The following TTN variants were observed in gnomAD, a reference collection of about 807,000 sequenced individuals.
The protein encoded by TTN is connectin.
In TTN, 1,525 loss-of-function variants were observed where a neutral mutation model predicts 3,223.0. That is an observed-to-expected ratio of 0.47 (90% CI 0.45 to 0.49). The LOEUF (loss-of-function observed/expected upper bound fraction) is 0.49. Among genes scored for constraint, TTN ranks in the 20% least tolerant of loss-of-function variants. The pLI, the probability that TTN is intolerant of heterozygous loss-of-function variation, is 0.00. For synonymous variants in TTN, 14,094 were observed against 15,161.0 expected, an observed-to-expected ratio of 0.93 and a Z score of 5.17; for missense variants, 40,786 against 43,424.0, an observed-to-expected ratio of 0.94 and a Z score of 5.40.
Position 178,741,174 on chromosome 2 carries a change from G to T in TTN, c.12059C>A (p.Ser4020Tyr), listed in dbSNP as rs1273620132. The T allele has an allele frequency of 2.5e-6, 4 of 1,613,348 alleles. No individual in the cohort carries two copies. The highest frequency in any genetic ancestry group is 2.5e-6 in the Non-Finnish European group (3 of 1,179,810). The change falls in exon 48 of 363, where the codon TCC becomes TAC. Residue 4020 changes from serine (S) to tyrosine (Y), a missense_variant. Coordinates refer to ENST00000589042, the MANE Select transcript of TTN (RefSeq NM_001267550.2). The stretch of plus-strand genomic sequence containing the variant: ...CACAAGCAGCTCTGCTGCACAGGTG[G>T]ACTCACCCAACATATTCTCTGCTTT... ...ICKAENMLGESTCAAELLVLL... is the reference protein window; with the variant it reads ...ICKAENMLGEYTCAAELLVLL...
rs72646894 is a variant in TTN at position 178,574,099 on chromosome 2, T to G, written c.72033A>C (p.Pro24011=). 2 of 1,613,610 alleles carry G rather than the reference T, an allele frequency of 1.2e-6. No homozygotes were observed. Among genetic ancestry groups the G allele is most frequent in the East Asian group, 2.2e-5 (1 of 44,804 alleles). The change falls in exon 326 of 363, where the codon CCA becomes CCC. Residue 24011 remains proline, a synonymous_variant. Transcript: ENST00000589042. Reference sequence around the variant, plus strand: ...AAGTGATAGCATCAGATGGCTCAGATGGTGGACTGATGGCACCTGCAGCAT... The same window carrying G: ...AAGTGATAGCATCAGATGGCTCAGAGGGTGGACTGATGGCACCTGCAGCAT... ...AKNAAGAISP[P]SEPSDAITCR... is the part of the protein sequence containing the mutation.
chr2:178,529,892 G>A (rs1392808848), intron 359 of TTN, 68 bp downstream of exon 359: 15 of 1,471,852 alleles, frequency 1.0e-5, no homozygotes, highest in Non-Finnish European at 1.3e-5. Flanking sequence ...TATAAGGGGG[G>A]ATGTTTGAAA....
rs2080185005 is a variant in TTN at position 178,730,208 on chromosome 2, G to A, written c.18192C>T (p.Asp6064=). The A allele has an allele frequency of 6.2e-7, 1 of 1,613,376 alleles. No individual in the cohort carries two copies. Among genetic ancestry groups the A allele is most frequent in the Non-Finnish European group, 8.5e-7 (1 of 1,179,676 alleles). ...CAAAGAGCTCTAGACTGGTAGAGGT[G>A]TCATCCTTCCAAACTGAGCGGGCTG... ...SGAARSVWKD[D]TSTSLELFAA... The change falls in exon 62 of 363, where the codon GAC becomes GAT. Residue 6064 remains aspartate (D), a synonymous_variant. Coordinates refer to ENST00000589042, the MANE Select transcript of TTN (RefSeq NM_001267550.2).
Position 178,601,034 on chromosome 2 carries a change from T to G in TTN, c.55870A>C (p.Thr18624Pro). The change falls in exon 288 of 363, where the codon ACT (threonine) becomes CCT (proline). Residue 18624 changes from threonine (T) to proline (P), a missense_variant. Coordinates refer to ENST00000589042, the MANE Select transcript of TTN (RefSeq NM_001267550.2). Reference sequence around the variant, plus strand: ...CTCCAGGCTTCTTTCTTTGTCCCAGTAGGGTCCCATGCAAGGCACTCAACA... The same window carrying G: ...CTCCAGGCTTCTTTCTTTGTCCCAGGAGGGTCCCATGCAAGGCACTCAACA... ...YIVECLAWDP[T>P]GTKKEAWRQC... is the part of the protein sequence containing the mutation. 1.2e-6 allele frequency: 2 copies of G among 1,612,952 alleles called. No individual in the cohort carries two copies.
intron 282 of TTN, among the ~76,000 whole-genome samples, chr2:178,602,877 A>G (rs1385142063): frequency 6.6e-6 from 1 of 152,024 alleles, no homozygotes; most frequent in Non-Finnish European, 1.5e-5. Context: ...GTAAAAAACT[A>G]CTTTACTTTT....
Position 178,570,716 on chromosome 2 carries a change from G to A in TTN, c.75416C>T (p.Pro25139Leu), listed in dbSNP as rs771430495. Residue 25139 changes from proline to leucine, a missense_variant, in exon 326 of 363, where the codon CCA becomes CTA. Pro to Leu is a moderately conservative substitution (Grantham distance 98, BLOSUM62 -3). Coordinates refer to ENST00000589042, the MANE Select transcript of TTN (RefSeq NM_001267550.2). Reference sequence around the variant, plus strand: ...TTTTATCCACTGAATGGTTGGTATTGGTTTGCCATAAATATCTGCATCAAC... The same window carrying A: ...TTTTATCCACTGAATGGTTGGTATTAGTTTGCCATAAATATCTGCATCAAC... ...FKVDADIYGK[P>L]IPTIQWIKGD... 4 of 1,613,510 alleles carry A rather than the reference G, an allele frequency of 2.5e-6. No homozygotes were observed. The highest frequency in any genetic ancestry group is 3.4e-6 in the Non-Finnish European group (4 of 1,179,604).
chr2:178,663,912 T>C lies in TTN; in HGVS notation c.36365-10A>G. On this transcript the variant is annotated splice_polypyrimidine_tract_variant and intron_variant, in intron 169 of 362. Transcript: ENST00000589042. ...TTGGAAGCTTCTGGCACTTGAAAGATATTAGTGAAATTACATTTAGGTGTT... is the reference window on the plus strand; with the variant it reads ...TTGGAAGCTTCTGGCACTTGAAAGACATTAGTGAAATTACATTTAGGTGTT... 1 of 1,613,238 alleles carries C rather than the reference T, an allele frequency of 6.2e-7. No homozygotes were observed. Among genetic ancestry groups the C allele is most frequent in the Non-Finnish European group, 8.5e-7 (1 of 1,179,724 alleles).
rs955989275 is a variant in TTN, at chr2:178,739,610, T to C, written c.13623A>G (p.Gln4541=). ...STEEVSYFNV[Q]SRVKYLDATP... is the part of the protein sequence containing the mutation. ...TGGCATCCAAATATTTAACCCTACT[T>C]TGCACGTTAAAATAACTGACCTCTT... Residue 4541 remains glutamine, a synonymous_variant, in exon 48 of 363, where the codon CAA becomes CAG. Transcript: ENST00000589042. 4.3e-6 allele frequency: 7 copies of C among 1,613,852 alleles called. No individual in the cohort carries two copies. In the East Asian group the frequency reaches 1.1e-4, roughly 26 times the overall value.
In TTN at chr2:178,559,623, T is replaced by A; in HGVS notation, c.86509A>T (p.Thr28837Ser). Residue 28837 changes from threonine to serine, a missense_variant, in exon 326 of 363, where the codon ACC becomes TCC. By Grantham distance (58) the Thr-to-Ser change is moderately conservative. Transcript: ENST00000589042. ...IQNVLSAASL[T>S]LVVKVLDTPG... ...GTATCTAAAACTTTGACAACTAAGG[T>A]CAGTGAAGCAGCACTCAAAACATTC... 1 of 1,613,776 alleles carries A rather than the reference T, an allele frequency of 6.2e-7. No homozygotes were observed. The highest frequency in any genetic ancestry group is 1.3e-5 in the African/African-American group (1 of 75,034).
intron 69 of TTN, 172 bp from the exon 70 acceptor site, chr2:178,726,218 A>G: frequency 1.4e-6 from 1 of 689,966 alleles, no homozygotes; most frequent in Non-Finnish European, 2.2e-6. Context: ...CCTTCACAAG[A>G]TAACCAGCTA....
chr2:178,642,260 T>G lies in TTN; in HGVS notation c.40535A>C (p.Lys13512Thr). The change falls in exon 219 of 363, where the codon AAG (lysine) becomes ACG (threonine). Residue 13512 changes from lysine (K) to threonine (T), a missense_variant. Coordinates refer to ENST00000589042, the MANE Select transcript of TTN (RefSeq NM_001267550.2). ...KLLPERKPEP[K>T]EEVVLKSVLR... ...ACCGCTTTTCAGAACAACTTCTTCC[T>G]TTGGTTCAGGTTTACGTTCCGGAAG... 6.3e-7 allele frequency: 1 copy of G among 1,594,310 alleles called. No homozygotes were observed. The highest frequency in any genetic ancestry group is 1.7e-4 in the Middle Eastern group (1 of 6,024).
At position 178,552,515 on chromosome 2, in the gene TTN, G is replaced by T; in HGVS notation, c.90385C>A (p.Pro30129Thr). 1 of 1,613,614 alleles carries T rather than the reference G, an allele frequency of 6.2e-7. No homozygotes were observed. The highest frequency in any genetic ancestry group is 8.5e-7 in the Non-Finnish European group (1 of 1,179,674). The change falls in exon 335 of 363, where the codon CCT (proline) becomes ACT (threonine). Residue 30129 changes from proline (P) to threonine (T), a missense_variant. Coordinates refer to ENST00000589042, the MANE Select transcript of TTN (RefSeq NM_001267550.2). ...PITVKELIIT[P>T]EVDLSDIPGA... ...GGGATATCTGACAGGTCAACTTCAG[G>T]TGTAATAATAAGTTCTTTCACTGTA...
chr2:178,664,400 G>T, intron 168 of TTN, 60 bp downstream of exon 168: 2 of 1,312,656 alleles, frequency 1.5e-6, no homozygotes, highest in Non-Finnish European at 2.2e-6. Context: ...AAACTAGAAA[G>T]GTGGTCCTTT....
chr2:178,701,464 G>T (rs560352023), intron 110 of TTN, 64 bp downstream of exon 110: 9 of 1,530,700 alleles, frequency 5.9e-6, no homozygotes, highest in Non-Finnish European at 8.0e-6. Flanking sequence ...ATAAAATTTC[G>T]TACAGATTCC....
chr2:178,707,862 T>TC, intron 99 of TTN, 49 bp from the exon 100 acceptor site: 4 of 1,521,178 alleles, frequency 2.6e-6, no homozygotes, highest in Non-Finnish European at 3.5e-6. Context: ...CAAAAAAGTA[T>TC]TAAATTCCAC....
intron 224 of TTN, among the ~76,000 whole-genome samples, chr2:178,637,146 G>GATATATATATATATATAT (rs61216469): frequency 2.0e-4 from 10 of 49,190 alleles, no homozygotes; most frequent in Admixed American, 5.4e-4. Context: ...AATATAGTTG[G>GATATATATATATATATAT]ATATATATAT....
At chr2:178,748,235 T>G (rs2084250117) in intron 47 of TTN, 1 of 1,613,004 alleles carries the variant, frequency 6.2e-7, no homozygotes, top group Non-Finnish European at 8.5e-7. Context: ...AGAAAAGGAT[T>G]TAAGAGAAAG....
intron 16 of TTN, 37 bp downstream of exon 16, chr2:178,784,033 G>T (rs372846682): frequency 1.1e-4 from 174 of 1,611,236 alleles, no homozygotes; most frequent in Middle Eastern, 2.2e-4. Context: ...TGCTCAATGG[G>T]AGTGGACCAT....
Position 178,591,607 on chromosome 2 carries a change from T to G in TTN, c.60212A>C (p.Glu20071Ala), listed in dbSNP as rs773208927. The G allele has an allele frequency of 1.5e-5, 24 of 1,610,854 alleles. No individual in the cohort carries two copies. The South Asian group carries it at 2.7e-4, about 18-fold the overall frequency. The change falls in exon 303 of 363, where the codon GAA (glutamate) becomes GCA (alanine). Residue 20071 changes from glutamate to alanine, a missense_variant. Physicochemically the swap from Glu to Ala is moderately radical, Grantham distance 107. Coordinates refer to ENST00000589042, the MANE Select transcript of TTN (RefSeq NM_001267550.2). ...GCTAGTCCAAAAATTACCTAGTTTT[T>G]CTTGACATTCTATCGGGATAGTTGT... is the stretch of plus-strand genomic sequence containing the variant. The part of the protein sequence containing the change: ...PDTTIPIECQ[E>A]KLVPPSVELD...
Sources: gnomAD v4.1 joint callset for allele counts (sites outside exome capture counted in the v4.1 genomes callset) on GRCh38, gnomAD v4.1.1 for gene constraint, MANE v1.5 for transcripts, NCBI Gene and HGNC (gene_info 2026-07-23, HGNC 2026-07-21) for gene names.